Variants in PGM5 observed in about 807,000 individuals in gnomAD.
The protein encoded by PGM5 is phosphoglucomutase 5.
A neutral mutation model predicts 59.2 loss-of-function variants in PGM5; 23 were observed. The observed-to-expected ratio is 0.39, with a 90% CI of 0.28 to 0.55. PGM5 has a LOEUF of 0.55. Ranked by LOEUF, PGM5 falls within the 20% of genes least tolerant of loss-of-function variation. PGM5 has a pLI of 0.66. For missense variants in PGM5, 574 were observed against 748.3 expected (o/e 0.77, Z 2.72); for synonymous variants, 214 against 286.0 (o/e 0.75, Z 2.54).
At chr9:68,488,920 A>G (rs1283476366) in intron 9 of PGM5, among the ~76,000 whole-genome samples, 4 of 152,192 alleles carry the variant, frequency 2.6e-5, no homozygotes, top group African/African-American at 9.7e-5. Context: ...ATGGCTAAGT[A>G]GTTAAAGGAG....
chr9:68,375,825 G>C (rs13290852), intron 1 of PGM5, among the ~76,000 whole-genome samples: 1 of 152,184 alleles, frequency 6.6e-6, no homozygotes, highest in African/African-American at 2.4e-5. Context: ...TGCTATCTCT[G>C]ATTAGCTTAC....
chr9:68,441,628 C>T (rs1481011397), intron 6 of PGM5, among the ~76,000 whole-genome samples: 3 of 152,054 alleles, frequency 2.0e-5, no homozygotes, highest in African/African-American at 7.2e-5. Flanking sequence ...TCTACAATAA[C>T]CCTACAGCTA....
At chr9:68,465,958 T>C (rs1036962331) in intron 7 of PGM5, among the ~76,000 whole-genome samples, 7 of 152,210 alleles carry the variant, frequency 4.6e-5, no homozygotes, top group Admixed American at 2.0e-4. Context: ...TCTCTTGAAT[T>C]CTTGGCTCTG....
chr9:68,447,991 G>A (rs1440448336), intron 6 of PGM5, among the ~76,000 whole-genome samples: 1 of 152,152 alleles, frequency 6.6e-6, no homozygotes, highest in African/African-American at 2.4e-5. Flanking sequence ...GAAAAAGAAA[G>A]GGTTTGTTGC....
chr9:68,408,733 T>C (rs1455455568), intron 6 of PGM5, among the ~76,000 whole-genome samples: 29 of 152,316 alleles, frequency 1.9e-4, no homozygotes, highest in African/African-American at 6.3e-4. Flanking sequence ...CTTTAATCCA[T>C]CTTGAATTGA....
chr9:68,368,386 C>T (rs3004473), intron 1 of PGM5, among the ~76,000 whole-genome samples: 16 of 148,242 alleles, frequency 1.1e-4, no homozygotes, highest in Non-Finnish European at 1.3e-4. Flanking sequence ...GTTAGCAGTC[C>T]GGTTCAGTAC....
Position 68,463,241 on chromosome 9 carries a change from G to A in PGM5, c.1044-1852G>A, listed in dbSNP as rs78858844. ...CAACCTAAAGGAATCATTACTATGC[G>A]GCGTATTTTATCCTGTGTTTGTCTT... On this transcript the variant is annotated intron_variant, in intron 6 of 10. Coordinates refer to ENST00000396396, the MANE Select transcript of PGM5 (RefSeq NM_021965.4). Among the ~76,000 whole-genome samples the A allele has an allele frequency of 4.8e-3, 721 of 151,594 alleles. 7 individuals carry two copies. The highest frequency in any genetic ancestry group is 0.015 in the African/African-American group (630 of 41,298).
intron 6 of PGM5, chr9:68,399,259 C>T (rs1822603233): frequency 6.6e-6 from 1 of 151,926 alleles, no homozygotes; most frequent in Non-Finnish European, 1.5e-5. Context: ...GTGAATACTG[C>T]TGCACAGGCA....
chr9:68,404,644 G>T (rs1554680946), intron 6 of PGM5, among the ~76,000 whole-genome samples: 1 of 152,194 alleles, frequency 6.6e-6, no homozygotes, highest in Non-Finnish European at 1.5e-5. Flanking sequence ...TCTCATCTCT[G>T]ATCAGGTTGC....
At position 68,387,616 on chromosome 9, in the gene PGM5, T is replaced by G. The variant is rs263787; in HGVS notation, c.697+28T>G. ...AAGCTTGTGATTTTCTCCAAATCAG[T>G]GGGCAGGAAATATTGAGACCTGTAC... On this transcript the variant is annotated intron_variant, in intron 4 of 10. Transcript: ENST00000396396. 4.5e-3 allele frequency: 7,202 copies of G among 1,610,196 alleles called. 223 individuals are homozygous for G. In the African/African-American group the frequency reaches 0.083, roughly 19 times the overall value.
intron 6 of PGM5, among the ~76,000 whole-genome samples, chr9:68,431,203 A>G (rs570337112): frequency 1.3e-5 from 2 of 152,330 alleles, no homozygotes; most frequent in South Asian, 2.1e-4. Context: ...TCACTGTCAC[A>G]GCCCATCTGG....
chr9:68,434,335 A>AAAAAG (rs1564004820), intron 6 of PGM5, among the ~76,000 whole-genome samples: 5 of 136,206 alleles, frequency 3.7e-5, no homozygotes, highest in African/African-American at 1.7e-4. Flanking sequence ...AAAAAAAAAA[A>AAAAAG]AAAAGAAAAA....
chr9:68,434,129 C>T (rs139034693), intron 6 of PGM5, among the ~76,000 whole-genome samples: 91 of 151,782 alleles, frequency 6.0e-4, no homozygotes, highest in African/African-American at 2.0e-3. Flanking sequence ...CCAGCCTGGC[C>T]AACATGGTGA....
At chr9:68,525,387 A>G (rs1027010101) in intron 10 of PGM5, among the ~76,000 whole-genome samples, 1 of 152,198 alleles carries the variant, frequency 6.6e-6, no homozygotes, top group Non-Finnish European at 1.5e-5. Flanking sequence ...TCTAGCACAT[A>G]TATACTGTCA....
chr9:68,500,292 TTTTTGTTTTG>T (rs1163318834), intron 10 of PGM5, among the ~76,000 whole-genome samples: 30 of 152,242 alleles, frequency 2.0e-4, no homozygotes, highest in African/African-American at 5.3e-4. Flanking sequence ...TTTAGGGGTT[TTTTTGTTTTG>T]TTTTGTTTTG....
intron 7 of PGM5, chr9:68,466,267 T>A (rs1823933353): frequency 1.0e-6 from 1 of 983,914 alleles, no homozygotes; most frequent in Non-Finnish European, 1.3e-6. Context: ...TCCGATACTG[T>A]GTGTTTTTTT....
Position 68,356,701 on chromosome 9 carries a change from C to T in PGM5, c.-427C>T, listed in dbSNP as rs1191428635. Among the ~76,000 whole-genome samples, 2 of 152,216 alleles carry T rather than the reference C, an allele frequency of 1.3e-5. No homozygotes were observed. The highest frequency in any genetic ancestry group is 2.9e-5 in the Non-Finnish European group (2 of 68,026). On this transcript the variant is annotated 5_prime_UTR_variant, in exon 1 of 11. Coordinates refer to ENST00000396396, the MANE Select transcript of PGM5 (RefSeq NM_021965.4). ...TCGCCGCCCGCCGGCTGTTTTCTGG[C>T]GGAGGGTGTGCCCCGGAGGGCGGCG...
intron 10 of PGM5, among the ~76,000 whole-genome samples, chr9:68,520,667 T>A (rs1171630893): frequency 6.6e-6 from 1 of 152,194 alleles, no homozygotes; most frequent in Non-Finnish European, 1.5e-5. Flanking sequence ...AAAAAGCTTT[T>A]GATAAAATGT....
chr9:68,492,461 T>C (rs748915546), intron 9 of PGM5, among the ~76,000 whole-genome samples: 16 of 152,172 alleles, frequency 1.1e-4, no homozygotes, highest in Admixed American at 3.3e-4. Flanking sequence ...GATAGTTCTT[T>C]GCAATTGTTA....
Sources: allele counts gnomAD v4.1 joint callset (sites outside exome capture counted in the v4.1 genomes callset), GRCh38; gene constraint gnomAD v4.1.1; transcripts MANE v1.5; gene names NCBI Gene and HGNC (gene_info 2026-07-23, HGNC 2026-07-21).